Variants in STAB2 observed in about 807,000 individuals in gnomAD.
The protein encoded by STAB2 is stabilin-2.
Under a neutral mutation model 338.1 loss-of-function variants are expected in STAB2, and 288 were observed. That is an observed-to-expected ratio of 0.85 (90% CI 0.77 to 0.94). The LOEUF is 0.94. Ranked by LOEUF, STAB2 falls within the 40% of genes least tolerant of loss-of-function variation. The pLI is 0.00. For synonymous variants in STAB2, 1,202 were observed against 1,193.3 expected (o/e 1.01, Z -0.15); for missense variants, 3,141 against 3,210.1 (o/e 0.98, Z 0.52).
intron 3 of STAB2, among the ~76,000 whole-genome samples, chr12:103,601,924 C>T (rs931586115): frequency 3.3e-5 from 5 of 152,066 alleles, no homozygotes; most frequent in African/African-American, 9.7e-5. Context: ...TTGCCTTTTC[C>T]ACACCAGTCT....
chr12:103,587,493 T>C lies in STAB2; in HGVS notation c.17T>C (p.Leu6Ser). 1 of 1,613,996 alleles carries C rather than the reference T, an allele frequency of 6.2e-7. No homozygotes were observed. The highest frequency in any genetic ancestry group is 1.1e-5 in the South Asian group (1 of 91,058). The change falls in exon 1 of 69, where the codon TTA becomes TCA. Residue 6 changes from leucine (L) to serine (S), a missense_variant. Physicochemically the swap from Leu to Ser is moderately radical, Grantham distance 145. Transcript: ENST00000388887. MMLQH[L>S]VIFCLGLVVQ... ...TATTTCCTCATGATGCTACAACATT[T>C]AGTAATTTTTTGTCTTGGATTGGTT...
At position 103,643,859 on chromosome 12, in the gene STAB2, G is replaced by A. The variant is rs535125896; in HGVS notation, c.1040+3603G>A. On this transcript the variant is annotated intron_variant, in intron 9 of 68. Coordinates refer to ENST00000388887, the MANE Select transcript of STAB2 (RefSeq NM_017564.10). ...GGGTCAGCCCCCCACCCGGCCAGCC[G>A]CCCCGTCCGGGAGGTGAGGGGCGCC... Among the ~76,000 whole-genome samples, 959 of 147,454 alleles carry A rather than the reference G, an allele frequency of 6.5e-3. 6 individuals carry two copies. Among genetic ancestry groups the A allele is most frequent in the African/African-American group, 0.023 (902 of 39,898 alleles).
chr12:103,677,380 TTCTC>T (rs57083831), intron 24 of STAB2, 69 bp from the exon 25 acceptor site: 519,351 of 1,516,964 alleles, frequency 0.34, 91,308 homozygotes, highest in South Asian at 0.43. Flanking sequence ...TGTCTGGAAA[TTCTC>T]TCTTATTTTT....
intron 8 of STAB2, among the ~76,000 whole-genome samples, chr12:103,639,704 CAA>C (rs11449305): frequency 2.7e-3 from 250 of 92,264 alleles, no homozygotes; most frequent in African/African-American, 7.4e-3. Context: ...GACCCTGTCT[CAA>C]AAAAAAAAAA....
chr12:103,685,199 G>A (rs563356667), intron 27 of STAB2, 115 bp downstream of exon 27: 1 of 960,040 alleles, frequency 1.0e-6, no homozygotes, highest in South Asian at 1.7e-5. Flanking sequence ...GATTTTACAT[G>A]AAGCAAGCTG....
Position 103,722,960 on chromosome 12 carries a change from A to C in STAB2, c.4684-2015A>C, listed in dbSNP as rs554902805. On this transcript the variant is annotated intron_variant, in intron 44 of 68. Coordinates refer to ENST00000388887, the MANE Select transcript of STAB2 (RefSeq NM_017564.10). ...TAGTCAGTGATGAACTAGTGAGTCC[A>C]TTAATGAGTCAGTCCATTAGTTAGT... Among the ~76,000 whole-genome samples the C allele has an allele frequency of 8.5e-5, 13 of 152,284 alleles. No individual in the cohort carries two copies. The East Asian group carries it at 2.5e-3, about 29-fold the overall frequency.
At chr12:103,592,929 G>T (rs1264629950) in intron 2 of STAB2, among the ~76,000 whole-genome samples, 1 of 152,056 alleles carries the variant, frequency 6.6e-6, no homozygotes, top group African/African-American at 2.4e-5. Context: ...CTGTTCTTCT[G>T]TGTCTAGCTT....
intron 5 of STAB2, among the ~76,000 whole-genome samples, chr12:103,624,726 T>C (rs1237880595): frequency 6.6e-6 from 1 of 152,036 alleles, no homozygotes; most frequent in Non-Finnish European, 1.5e-5. Context: ...TCCGTTGAGG[T>C]CAGGAGTTTG....
At chr12:103,661,894 G>A (rs546090169) in intron 17 of STAB2, among the ~76,000 whole-genome samples, 17 of 152,230 alleles carry the variant, frequency 1.1e-4, no homozygotes, top group South Asian at 2.1e-4. Flanking sequence ...GAGAGGAGGA[G>A]AGTGGGGGTC....
At chr12:103,766,183 GT>G (rs1170315092) in intron 68 of STAB2, 102 bp from the exon 69 acceptor site, 1 of 1,461,194 alleles carries the variant, frequency 6.8e-7, no homozygotes. Context: ...CGTGTTCACA[GT>G]GCTCAGGGAG....
chr12:103,604,577 C>T (rs969501590), intron 3 of STAB2, among the ~76,000 whole-genome samples: 1 of 151,848 alleles, frequency 6.6e-6, no homozygotes, highest in Non-Finnish European at 1.5e-5. Context: ...TTTGAGTGAG[C>T]TTTCCTAGTT....
chr12:103,598,777 G>A (rs1565951870), intron 3 of STAB2, among the ~76,000 whole-genome samples: 1 of 151,992 alleles, frequency 6.6e-6, no homozygotes, highest in Non-Finnish European at 1.5e-5. Flanking sequence ...TCCAGCGTTG[G>A]CCAGCTCATA....
chr12:103,674,372 T>A (rs889938115), intron 23 of STAB2, among the ~76,000 whole-genome samples: 1 of 152,188 alleles, frequency 6.6e-6, no homozygotes, highest in Non-Finnish European at 1.5e-5. Flanking sequence ...GTGAGGATGA[T>A]GATACCTACC....
intron 5 of STAB2, among the ~76,000 whole-genome samples, chr12:103,623,441 G>C (rs554841335): frequency 6.6e-6 from 1 of 152,314 alleles, no homozygotes; most frequent in East Asian, 1.9e-4. Context: ...GGAAGGCCCA[G>C]TGTTAATCAC....
intron 35 of STAB2, 143 bp downstream of exon 35, chr12:103,703,419 G>T: frequency 9.3e-7 from 1 of 1,079,148 alleles, no homozygotes; most frequent in Non-Finnish European, 1.3e-6. Context: ...ATGTGCCAAG[G>T]AGCATACCAG....
chr12:103,756,996 A>AATATATATATATATATATATATATAT (rs869105400), intron 63 of STAB2, among the ~76,000 whole-genome samples: 11 of 56,316 alleles, frequency 2.0e-4, no homozygotes, highest in South Asian at 2.2e-3. Context: ...AAGGAGGGAA[A>AATATATATATATATATATATATATAT]ATATATATAT....
At position 103,638,100 on chromosome 12, in the gene STAB2, A is replaced by G; in HGVS notation, c.794A>G (p.Gln265Arg). 6.2e-7 allele frequency: 1 copy of G among 1,614,214 alleles called. No individual in the cohort carries two copies. Among genetic ancestry groups the G allele is most frequent in the Non-Finnish European group, 8.5e-7 (1 of 1,180,040 alleles). The change falls in exon 8 of 69, where the codon CAA becomes CGA. Residue 265 changes from glutamine to arginine, a missense_variant. Coordinates refer to ENST00000388887, the MANE Select transcript of STAB2 (RefSeq NM_017564.10). ...CCAAATCGGCACAGTTGTACATGCC[A>G]AGAAGGCTACCGTGGGGATGGCCAA... is the stretch of plus-strand genomic sequence containing the variant. ...LGPNRHSCTC[Q>R]EGYRGDGQVC...
chr12:103,655,828 A>T lies in STAB2; in HGVS notation c.1734+247A>T, dbSNP rs1395767760. Reference sequence around the variant, plus strand: ...AATTAGACTTGATACAGGAAATGAAATGTATTTGCAATCCCAGGCCTAAAT... The same window carrying T: ...AATTAGACTTGATACAGGAAATGAATTGTATTTGCAATCCCAGGCCTAAAT... On this transcript the variant is annotated intron_variant, in intron 15 of 68. Transcript: ENST00000388887. Among the ~76,000 whole-genome samples the T allele has an allele frequency of 1.3e-5, 2 of 152,138 alleles. 1 individual carries two copies. The highest frequency in any genetic ancestry group is 4.8e-5 in the African/African-American group (2 of 41,426).
At chr12:103,612,683 A>G (rs10861056) in intron 3 of STAB2, among the ~76,000 whole-genome samples, 6,132 of 151,954 alleles carry the variant, frequency 0.04, 182 homozygotes, top group East Asian at 0.12. Context: ...TCTTCTCTCA[A>G]CTCGTCAAAG....
Sources: allele counts gnomAD v4.1 joint callset (sites outside exome capture counted in the v4.1 genomes callset), GRCh38; gene constraint gnomAD v4.1.1; transcripts MANE v1.5; gene names NCBI Gene and HGNC (gene_info 2026-07-23, HGNC 2026-07-21).